PPM1L: variants seen among roughly 807,000 people sequenced by gnomAD.
PPM1L encodes protein phosphatase 1L.
PPM1L carries 13 observed loss-of-function variants against 31.4 expected under a neutral mutation model. The observed-to-expected ratio is 0.41, with a 90% CI of 0.27 to 0.66. The LOEUF is 0.66. Among genes scored for constraint, PPM1L ranks in the 30% least tolerant of loss-of-function variants. The probability of loss-of-function intolerance (pLI) is 0.29; values close to 1 mark genes in which losing one functional copy is unlikely to be tolerated. For missense variants in PPM1L, 326 were observed against 453.7 expected, an observed-to-expected ratio of 0.72 and a Z score of 2.56; for synonymous variants, 184 against 175.4, an observed-to-expected ratio of 1.05 and a Z score of -0.39.
At chr3:160,846,667 A>G (rs892051693) in intron 1 of PPM1L, among the ~76,000 whole-genome samples, 5 of 152,116 alleles carry the variant, frequency 3.3e-5, no homozygotes, top group African/African-American at 1.2e-4. Context: ...GTTATAAAGT[A>G]TATGTTGACA....
At chr3:160,780,662 T>C (rs1428010712) in intron 1 of PPM1L, among the ~76,000 whole-genome samples, 1 of 152,178 alleles carries the variant, frequency 6.6e-6, no homozygotes, top group Non-Finnish European at 1.5e-5. Flanking sequence ...TCGAACTCTA[T>C]ATTCGTCCTC....
At chr3:160,949,393 A>G (rs1005933644) in intron 1 of PPM1L, among the ~76,000 whole-genome samples, 3 of 152,174 alleles carry the variant, frequency 2.0e-5, no homozygotes, top group African/African-American at 7.2e-5. Flanking sequence ...GAGATACAAC[A>G]GGCTGTGGCT....
chr3:160,901,476 TA>T (rs573630519), intron 1 of PPM1L, among the ~76,000 whole-genome samples: 9 of 152,132 alleles, frequency 5.9e-5, no homozygotes, highest in Non-Finnish European at 1.2e-4. Context: ...CATCTTCCCC[TA>T]AAATTCTCCT....
chr3:160,767,968 G>A (rs1202338316), intron 1 of PPM1L, among the ~76,000 whole-genome samples: 1 of 152,102 alleles, frequency 6.6e-6, no homozygotes, highest in African/African-American at 2.4e-5. Context: ...GTCTCTTAAT[G>A]ACACCGTCAG....
intron 2 of PPM1L, among the ~76,000 whole-genome samples, chr3:161,055,212 A>G (rs1034372793): frequency 1.3e-5 from 2 of 152,154 alleles, no homozygotes; most frequent in Non-Finnish European, 2.9e-5. Context: ...AAGTCTTTCT[A>G]TGCCATGGCA....
intron 2 of PPM1L, among the ~76,000 whole-genome samples, chr3:161,044,824 G>T (rs896684897): frequency 6.6e-6 from 1 of 152,156 alleles, no homozygotes; most frequent in Non-Finnish European, 1.5e-5. Flanking sequence ...GACACAGACT[G>T]CCAAATTGGA....
intron 1 of PPM1L, among the ~76,000 whole-genome samples, chr3:160,802,356 G>C (rs1712455122): frequency 6.6e-6 from 1 of 152,150 alleles, no homozygotes; most frequent in African/African-American, 2.4e-5. Context: ...AATGCCAGCT[G>C]AACAAGTGGC....
At chr3:160,782,986 A>C (rs1485657861) in intron 1 of PPM1L, among the ~76,000 whole-genome samples, 3 of 151,818 alleles carry the variant, frequency 2.0e-5, no homozygotes, top group Non-Finnish European at 4.4e-5. Context: ...GCTAAGAAAA[A>C]CTCCCAGTGA....
intron 2 of PPM1L, among the ~76,000 whole-genome samples, chr3:161,008,030 G>C (rs1310183052): frequency 6.6e-6 from 1 of 152,126 alleles, no homozygotes; most frequent in Non-Finnish European, 1.5e-5. Flanking sequence ...CCTGGCTCTG[G>C]CTTCTCATTC....
chr3:160,957,924 C>G (rs1361096580), intron 1 of PPM1L, among the ~76,000 whole-genome samples: 1 of 152,080 alleles, frequency 6.6e-6, no homozygotes, highest in African/African-American at 2.4e-5. Flanking sequence ...TGATGTTGAG[C>G]TTTTTTTCAT....
intron 2 of PPM1L, among the ~76,000 whole-genome samples, chr3:161,001,794 A>G (rs1400260728): frequency 3.3e-5 from 5 of 152,140 alleles, no homozygotes; most frequent in Non-Finnish European, 7.4e-5. Flanking sequence ...ATTTACTACA[A>G]ACCCTCCCTA....
chr3:160,865,545 G>A (rs1712057833), intron 1 of PPM1L, among the ~76,000 whole-genome samples: 1 of 152,222 alleles, frequency 6.6e-6, no homozygotes, highest in Non-Finnish European at 1.5e-5. Flanking sequence ...GGGAGGCCAA[G>A]GTGGGCAGAT....
chr3:160,947,817 T>A (rs1715455822), intron 1 of PPM1L, among the ~76,000 whole-genome samples: 1 of 152,190 alleles, frequency 6.6e-6, no homozygotes, highest in African/African-American at 2.4e-5. Context: ...CCTGTAAATT[T>A]AACTGTTAGT....
intron 2 of PPM1L, among the ~76,000 whole-genome samples, chr3:161,053,729 C>T (rs746808627): frequency 4.6e-5 from 7 of 152,160 alleles, no homozygotes; most frequent in African/African-American, 7.2e-5. Context: ...TTCTGGCACT[C>T]ATCCCCTGTT....
intron 2 of PPM1L, among the ~76,000 whole-genome samples, chr3:161,001,546 C>G (rs1442136879): frequency 6.6e-6 from 1 of 152,162 alleles, no homozygotes; most frequent in Non-Finnish European, 1.5e-5. Context: ...GCTGGAATTA[C>G]ACAGTTTTAA....
rs550975173 is a variant in PPM1L at position 160,796,959 on chromosome 3, T to C, written c.399+40252T>C. Among the ~76,000 whole-genome samples, 20 of 152,266 alleles carry C rather than the reference T, an allele frequency of 1.3e-4. No individual in the cohort carries two copies. The East Asian group carries it at 3.9e-3, about 29-fold the overall frequency. ...ACAATGACCTCATGTCACACCACTCTCCCATGCTCACTCTGTCACTTTTAC... is the reference window on the plus strand; with the variant it reads ...ACAATGACCTCATGTCACACCACTCCCCCATGCTCACTCTGTCACTTTTAC... On this transcript the variant is annotated intron_variant, in intron 1 of 3. Transcript: ENST00000498165.
chr3:160,956,780 A>G (rs1244903040), intron 1 of PPM1L, among the ~76,000 whole-genome samples: 4 of 152,268 alleles, frequency 2.6e-5, no homozygotes, highest in Non-Finnish European at 5.9e-5. Context: ...GTAGAAAACC[A>G]GACTTTTATT....
chr3:161,052,100 C>T (rs192525350), intron 2 of PPM1L, among the ~76,000 whole-genome samples: 1 of 152,300 alleles, frequency 6.6e-6, no homozygotes, highest in Non-Finnish European at 1.5e-5. Flanking sequence ...AATGGGAGGC[C>T]AGCGGTTCTC....
At chr3:160,906,479 G>T (rs1713760055) in intron 1 of PPM1L, among the ~76,000 whole-genome samples, 1 of 152,170 alleles carries the variant, frequency 6.6e-6, no homozygotes. Context: ...GCACATGCCT[G>T]TAGTCCCAGC....
Sources: allele counts gnomAD v4.1 joint callset (sites outside exome capture counted in the v4.1 genomes callset), GRCh38; gene constraint gnomAD v4.1.1; transcripts MANE v1.5; gene names NCBI Gene and HGNC (gene_info 2026-07-23, HGNC 2026-07-21).